Variants in GAS6 observed in about 807,000 individuals in gnomAD.
GAS6 encodes growth arrest specific 6.
Under a neutral mutation model 75.8 loss-of-function variants are expected in GAS6, and 41 were observed. That is an observed-to-expected ratio of 0.54 (90% CI 0.42 to 0.70). GAS6 has a LOEUF of 0.70. Among genes scored for constraint, GAS6 ranks in the 30% least tolerant of loss-of-function variants. GAS6 has a pLI of 0.00. For missense variants in GAS6, 854 were observed against 940.2 expected, an observed-to-expected ratio of 0.91 and a Z score of 1.20; for synonymous variants, 432 against 412.6, an observed-to-expected ratio of 1.05 and a Z score of -0.57.
In GAS6 at chr13:113,835,582, G is replaced by T; in HGVS notation, c.643C>A (p.Leu215Met). Residue 215 changes from leucine (L) to methionine (M), a missense_variant, in exon 7 of 15, where the codon CTG (leucine) becomes ATG (methionine). By Grantham distance (15) the Leu-to-Met change is conservative. Transcript: ENST00000327773. ...EACGEARCKN[L>M]PGSYSCLCDE... ...CAGAGGCAGGAGTAGGAGCCGGGCA[G>T]GTTCTTGCAGCGCGCCTCCCCGCAG... 1 of 1,612,556 alleles carries T rather than the reference G, an allele frequency of 6.2e-7. No individual in the cohort carries two copies.
intron 2 of GAS6, among the ~76,000 whole-genome samples, chr13:113,857,858 G>A (rs933820511): frequency 3.3e-5 from 5 of 152,254 alleles, no homozygotes; most frequent in Non-Finnish European, 5.9e-5. Flanking sequence ...GAAAGCCCCG[G>A]AGGAGCCTGG....
intron 4 of GAS6, chr13:113,842,224 C>A (rs1262762755): frequency 6.2e-6 from 1 of 160,630 alleles, no homozygotes; most frequent in Non-Finnish European, 1.2e-5. Context: ...GTACACCCCA[C>A]AGTTTCCTCC....
chr13:113,846,639 G>T, intron 3 of GAS6, 50 bp from the exon 4 acceptor site: 1 of 1,489,996 alleles, frequency 6.7e-7, no homozygotes, highest in Non-Finnish European at 9.4e-7. Flanking sequence ...AGACCGGATG[G>T]ACTGCAGAGC....
In GAS6 at chr13:113,822,040, G is replaced by A. The variant is rs746808423; in HGVS notation, c.1800C>T (p.Ser600=). ...VDGTRGQSEV[S]AAQLQERLAV... is the part of the protein sequence containing the mutation. ...CCAGCCTCTCCTGCAGCTGCGCGGC[G>A]CTCACCTCGCTCTGGCCCCTGGTGC... The change falls in exon 14 of 15, where the codon AGC becomes AGT. Residue 600 remains serine, a synonymous_variant. Transcript: ENST00000327773. The A allele has an allele frequency of 3.1e-5, 49 of 1,577,012 alleles. No homozygotes were observed. Among genetic ancestry groups the A allele is most frequent in the Admixed American group, 3.7e-5 (2 of 54,016 alleles).
Position 113,863,532 on chromosome 13 carries a change from G to A in GAS6, c.255+43C>T. 6.8e-7 allele frequency: 1 copy of A among 1,479,254 alleles called. No individual in the cohort carries two copies. The highest frequency in any genetic ancestry group is 8.9e-7 in the Non-Finnish European group (1 of 1,121,534). The allele number at this position is 1,479,254 out of a possible 1,614,324, so 91.6% of individuals were successfully genotyped here. A position where few individuals can be genotyped will look rare whatever the true frequency, so the allele number is the denominator to read the frequency against. Reference sequence around the variant, plus strand: ...CTCTCGGGAGCGGTTGGAGGCGCGCGGGCGCCAGGGGTTCCCCCGCATCCC... The same window carrying A: ...CTCTCGGGAGCGGTTGGAGGCGCGCAGGCGCCAGGGGTTCCCCCGCATCCC... On this transcript the variant is annotated intron_variant, in intron 2 of 14. Coordinates refer to ENST00000327773, the MANE Select transcript of GAS6 (RefSeq NM_000820.4). The surrounding 1 kb of genome is among the most constrained non-coding windows in gnomAD (Gnocchi z 9.4).
chr13:113,829,241 A>G (rs35786320), intron 10 of GAS6, among the ~76,000 whole-genome samples: 9 of 94,844 alleles, frequency 9.5e-5, no homozygotes, highest in Admixed American at 2.0e-4. Flanking sequence ...TCTCAGGCAG[A>G]CCACATGATC....
intron 13 of GAS6, 99 bp downstream of exon 13, chr13:113,823,276 G>T: frequency 7.6e-7 from 1 of 1,323,022 alleles, no homozygotes; most frequent in Non-Finnish European, 1.0e-6. Context: ...GGGTCCCTGG[G>T]GATCCCACCG....
At chr13:113,862,415 G>A (rs571513609) in intron 2 of GAS6, among the ~76,000 whole-genome samples, 11 of 152,328 alleles carry the variant, frequency 7.2e-5, no homozygotes, top group Admixed American at 5.9e-4. Flanking sequence ...GACTCCGAGC[G>A]ACCAGGGCAC....
chr13:113,861,974 G>A (rs2051975412), intron 2 of GAS6, among the ~76,000 whole-genome samples: 1 of 152,192 alleles, frequency 6.6e-6, no homozygotes, highest in Non-Finnish European at 1.5e-5. Context: ...ACATGCAGGA[G>A]GGTGAGGAGA....
chr13:113,838,282 C>T lies in GAS6; in HGVS notation c.467-91G>A, dbSNP rs560776524. 53 of 1,532,962 alleles carry T rather than the reference C, an allele frequency of 3.5e-5. No homozygotes were observed. In the African/African-American group the frequency reaches 6.0e-4, roughly 17 times the overall value. 95.0% of individuals were successfully genotyped at this position (1,532,962 alleles called of 1,614,324 possible). ...GATCCCAGAGGTGCACAGCCCAGCC[C>T]TGGAGCAGGGAGGGAGCCCAGAGGT... On this transcript the variant is annotated intron_variant, in intron 5 of 14. Coordinates refer to ENST00000327773, the MANE Select transcript of GAS6 (RefSeq NM_000820.4).
intron 13 of GAS6, 108 bp downstream of exon 13, chr13:113,823,267 G>A (rs764098672): frequency 3.2e-6 from 4 of 1,248,324 alleles, no homozygotes; most frequent in East Asian, 4.9e-5. Flanking sequence ...AGGCTTTGGG[G>A]GTCCCTGGGG....
rs1373180717 is a variant in GAS6 at position 113,863,850 on chromosome 13, G to C, written c.71C>G (p.Ala24Gly). The C allele has an allele frequency of 7.9e-7, 1 of 1,273,100 alleles. No homozygotes were observed. Among genetic ancestry groups the C allele is most frequent in the African/African-American group, 1.6e-5 (1 of 63,792 alleles). The allele number at this position is 1,273,100 out of a possible 1,614,324, so 78.9% of individuals were successfully genotyped here. A position where few individuals can be genotyped will look rare whatever the true frequency, so the allele number is the denominator to read the frequency against. ...RAPQLLLLLLAAECALAALLP... is the reference protein window; with the variant it reads ...RAPQLLLLLLGAECALAALLP... ...GGACTCACCAAGCGCGCACTCCGCG[G>C]CCAGCAGCAGCAGCAGCAGCTGCGG... The change falls in exon 1 of 15, where the codon GCC (alanine) becomes GGC (glycine). Residue 24 changes from alanine to glycine, a missense_variant. Transcript: ENST00000327773. This position sits in a 1 kb window ranked among gnomAD's most constrained non-coding sequence, Gnocchi z 9.4.
At chr13:113,836,149 TGAA>T (rs1437336058) in intron 6 of GAS6, 3 of 720,722 alleles carry the variant, frequency 4.2e-6, no homozygotes, top group Non-Finnish European at 4.9e-6. Context: ...AACCCTGAAA[TGAA>T]GAGCCCTTTA....
chr13:113,847,726 C>T (rs541857754), intron 3 of GAS6: 4 of 424,602 alleles, frequency 9.4e-6, no homozygotes, highest in East Asian at 5.2e-5. Flanking sequence ...GTCAGAAAAC[C>T]GGAGGACAAA....
intron 2 of GAS6, among the ~76,000 whole-genome samples, chr13:113,861,275 G>A (rs774556101): frequency 2.6e-5 from 4 of 152,168 alleles, no homozygotes; most frequent in Non-Finnish European, 5.9e-5. Context: ...AACTAACGGC[G>A]GCCAGGCACT....
chr13:113,831,199 TG>T (rs1351630291), intron 10 of GAS6, among the ~76,000 whole-genome samples: 13 of 152,330 alleles, frequency 8.5e-5, no homozygotes, highest in Middle Eastern at 3.4e-3. Context: ...AGTGCAGGTC[TG>T]ACCAGGACCC....
intron 7 of GAS6, 102 bp downstream of exon 7, chr13:113,835,411 C>G: frequency 7.3e-7 from 1 of 1,376,424 alleles, no homozygotes; most frequent in South Asian, 1.3e-5. Flanking sequence ...CTTTCTTTCA[C>G]CAGAAGCACC....
chr13:113,840,037 C>T (rs1049118668), intron 4 of GAS6, 187 bp from the exon 5 acceptor site: 21 of 772,146 alleles, frequency 2.7e-5, no homozygotes, highest in Middle Eastern at 3.9e-4. Context: ...AATAGGCTGG[C>T]GGGCCCTGGG....
intron 11 of GAS6, among the ~76,000 whole-genome samples, chr13:113,828,328 A>G (rs2051580749): frequency 6.6e-6 from 1 of 152,216 alleles, no homozygotes; most frequent in Admixed American, 6.5e-5. Flanking sequence ...TTTATTATCA[A>G]TTCAGATGAA....
Sources: gnomAD v4.1 joint callset for allele counts (sites outside exome capture counted in the v4.1 genomes callset) on GRCh38, gnomAD v4.1.1 for gene constraint, Gnocchi (gnomAD v3.1) non-coding constraint, MANE v1.5 for transcripts, NCBI Gene and HGNC (gene_info 2026-07-23, HGNC 2026-07-21) for gene names.